The following SH3GLB1 variants were observed in gnomAD, a reference collection of about 807,000 sequenced individuals.
SH3GLB1 encodes the protein SH3 domain containing GRB2 like, endophilin B1, also known as endophilin-B1.
SH3GLB1 carries 17 observed loss-of-function variants against 42.0 expected under a neutral mutation model. That is an observed-to-expected ratio of 0.40 (90% CI 0.28 to 0.61). The LOEUF is 0.61. Among genes scored for constraint, SH3GLB1 ranks in the 20% least tolerant of loss-of-function variants. The pLI is 0.36. For missense variants in SH3GLB1, 355 were observed against 426.3 expected (o/e 0.83, Z 1.47); for synonymous variants, 132 against 146.6 (o/e 0.90, Z 0.72).
In SH3GLB1 at chr1:86,715,880, CT is replaced by C. The variant is rs1215012560; in HGVS notation, c.214+16del. On this transcript the variant is annotated intron_variant, in intron 2 of 8. Transcript: ENST00000370558. Reference sequence around the variant, plus strand: ...GCCAAATCCAAGTAAGAAACTCTACCTCTTGTGTACCTTAAGTACTATTAGT... The same window carrying C: ...GCCAAATCCAAGTAAGAAACTCTACCCTTGTGTACCTTAAGTACTATTAGT... 1.2e-6 allele frequency: 2 copies of C among 1,600,698 alleles called. No homozygotes were observed. Among genetic ancestry groups the C allele is most frequent in the Non-Finnish European group, 1.7e-6 (2 of 1,177,060 alleles).
intron 5 of SH3GLB1, among the ~76,000 whole-genome samples, chr1:86,730,872 A>C (rs538426861): frequency 2.8e-4 from 42 of 152,356 alleles, no homozygotes; most frequent in African/African-American, 9.6e-4. Flanking sequence ...CAGTCACATT[A>C]GTTGAAAATA....
chr1:86,706,881 A>C (rs1461469361), intron 1 of SH3GLB1, among the ~76,000 whole-genome samples: 1 of 152,250 alleles, frequency 6.6e-6, no homozygotes, highest in East Asian at 1.9e-4. Context: ...TACTTCCCAA[A>C]GAATTTTAAT....
intron 1 of SH3GLB1, among the ~76,000 whole-genome samples, chr1:86,710,462 A>C (rs1461151425): frequency 1.3e-5 from 2 of 151,858 alleles, no homozygotes; most frequent in Non-Finnish European, 1.5e-5. Context: ...ACGGGGTTTC[A>C]CCATGTTGGC....
chr1:86,742,523 T>C, intron 8 of SH3GLB1, 87 bp downstream of exon 8: 1 of 916,828 alleles, frequency 1.1e-6, no homozygotes, highest in Non-Finnish European at 1.7e-6. Flanking sequence ...CCTCATTAGT[T>C]ATTTGGAAAT....
chr1:86,706,012 A>G (rs916358302), intron 1 of SH3GLB1, among the ~76,000 whole-genome samples: 4 of 152,246 alleles, frequency 2.6e-5, no homozygotes, highest in African/African-American at 7.2e-5. Flanking sequence ...TATCCCTGGC[A>G]AAAGAGTAGT....
intron 5 of SH3GLB1, among the ~76,000 whole-genome samples, chr1:86,731,487 A>G (rs1655506348): frequency 2.0e-5 from 3 of 152,260 alleles, no homozygotes; most frequent in Non-Finnish European, 2.9e-5. Context: ...ACGGTTCCAC[A>G]CTGGCTTCTG....
intron 5 of SH3GLB1, among the ~76,000 whole-genome samples, chr1:86,726,861 C>CT (rs375676348): frequency 9.3e-5 from 14 of 150,796 alleles, no homozygotes; most frequent in African/African-American, 1.7e-4. Context: ...TAGGAGTTTG[C>CT]TTTTTTTTTC....
At chr1:86,722,010 C>CTTTTTTTT (rs377380040) in intron 3 of SH3GLB1, among the ~76,000 whole-genome samples, 5 of 111,610 alleles carry the variant, frequency 4.5e-5, no homozygotes, top group South Asian at 2.9e-4. Context: ...AGGCAACCAT[C>CTTTTTTTT]TTTTTTTTTT....
intron 5 of SH3GLB1, among the ~76,000 whole-genome samples, chr1:86,724,913 A>ATATATATATATAT (rs1553208269): frequency 4.1e-5 from 5 of 122,452 alleles, no homozygotes; most frequent in African/African-American, 1.9e-4. Flanking sequence ...ATATATATAT[A>ATATATATATATAT]AAATATATAA....
At chr1:86,727,420 AG>A (rs1655257006) in intron 5 of SH3GLB1, among the ~76,000 whole-genome samples, 1 of 152,040 alleles carries the variant, frequency 6.6e-6, no homozygotes, top group Non-Finnish European at 1.5e-5. Context: ...AAATAATTAC[AG>A]GTTGAATATC....
intron 5 of SH3GLB1, chr1:86,730,506 T>C (rs1655451042): frequency 1.8e-6 from 1 of 541,414 alleles, no homozygotes; most frequent in Admixed American, 6.5e-5. Context: ...ACAAATGAAT[T>C]TTTTTTTTTT....
chr1:86,736,912 A>C (rs191282234), intron 7 of SH3GLB1, among the ~76,000 whole-genome samples: 425 of 152,342 alleles, frequency 2.8e-3, no homozygotes, highest in Non-Finnish European at 3.6e-3. Context: ...CCAGCTTCAC[A>C]CTAACACATT....
At chr1:86,722,323 A>G (rs1431309033) in intron 3 of SH3GLB1, among the ~76,000 whole-genome samples, 8 of 152,156 alleles carry the variant, frequency 5.3e-5, no homozygotes, top group Admixed American at 4.6e-4. Context: ...CTATGCTACA[A>G]TAGGAAGTTC....
chr1:86,728,172 G>A (rs928296740), intron 5 of SH3GLB1, among the ~76,000 whole-genome samples: 15 of 152,076 alleles, frequency 9.9e-5, no homozygotes, highest in South Asian at 6.2e-4. Context: ...CTCATTTAAA[G>A]TCAAGCATCA....
intron 1 of SH3GLB1, among the ~76,000 whole-genome samples, chr1:86,713,205 G>A (rs1654315104): frequency 6.6e-6 from 1 of 152,000 alleles, no homozygotes; most frequent in Admixed American, 6.6e-5. Flanking sequence ...GTGCAGTGGA[G>A]TGCAGCTGGG....
intron 2 of SH3GLB1, among the ~76,000 whole-genome samples, chr1:86,717,987 G>A (rs1047992771): frequency 6.6e-6 from 1 of 151,486 alleles, no homozygotes; most frequent in African/African-American, 2.4e-5. Flanking sequence ...TAAACTTTTG[G>A]CCAGATAGGT....
chr1:86,735,138 G>A lies in SH3GLB1; in HGVS notation c.720G>A (p.Gln240=), dbSNP rs1174966084. 1 of 1,612,914 alleles carries A rather than the reference G, an allele frequency of 6.2e-7. No homozygotes were observed. ...AAGCCCAGATGACTTACTATGCACA[G>A]TGTTACCAGTATATGTTGGACCTCC... ...FVEAQMTYYA[Q]CYQYMLDLQK... The change falls in exon 7 of 9, where the codon CAG becomes CAA. Residue 240 remains glutamine, a synonymous_variant. Coordinates refer to ENST00000370558, the MANE Select transcript of SH3GLB1 (RefSeq NM_016009.5).
At chr1:86,710,961 C>G (rs1351852574) in intron 1 of SH3GLB1, among the ~76,000 whole-genome samples, 1 of 152,154 alleles carries the variant, frequency 6.6e-6, no homozygotes, top group Non-Finnish European at 1.5e-5. Flanking sequence ...GAGCTACACC[C>G]CAGTCCAATT....
intron 5 of SH3GLB1, among the ~76,000 whole-genome samples, chr1:86,726,590 G>A (rs1655207398): frequency 6.6e-6 from 1 of 151,866 alleles, no homozygotes; most frequent in Admixed American, 6.6e-5. Flanking sequence ...TAGAACTTAC[G>A]TATTACATAC....
Sources: gnomAD v4.1 joint callset for allele counts (sites outside exome capture counted in the v4.1 genomes callset) on GRCh38, gnomAD v4.1.1 for gene constraint, MANE v1.5 for transcripts, NCBI Gene and HGNC (gene_info 2026-07-23, HGNC 2026-07-21) for gene names.